The following LARGE1 variants were observed in gnomAD, a reference collection of about 807,000 sequenced individuals.
LARGE1 encodes xylosyl- and glucuronyltransferase LARGE1.
A neutral mutation model predicts 87.6 loss-of-function variants in LARGE1; 43 were observed. The observed-to-expected ratio is 0.49, with a 90% CI of 0.38 to 0.63. The LOEUF is 0.63. Among genes scored for constraint, LARGE1 ranks in the 30% least tolerant of loss-of-function variants. The pLI is 0.00. For missense variants in LARGE1, 802 were observed against 1,000.2 expected (o/e 0.80, Z 2.67); for synonymous variants, 434 against 394.6 (o/e 1.10, Z -1.18).
At chr22:33,268,924 C>A (rs1021572963), downstream of LARGE1, among the ~76,000 whole-genome samples, 2 of 152,134 alleles carry the variant, frequency 1.3e-5, no homozygotes, top group Non-Finnish European at 2.9e-5. Context: ...AATTTTGTCA[C>A]ATAATATGCT....
At chr22:33,503,753 C>T (rs1490707512) in intron 6 of LARGE1, among the ~76,000 whole-genome samples, 4 of 151,524 alleles carry the variant, frequency 2.6e-5, no homozygotes, top group African/African-American at 7.3e-5. Flanking sequence ...GAGCCAAGAT[C>T]GCATCACTGC....
At chr22:33,190,533 C>A (rs1923719874) in intron 11 of LARGE1, among the ~76,000 whole-genome samples, 1 of 152,148 alleles carries the variant, frequency 6.6e-6, no homozygotes, top group South Asian at 2.1e-4. Context: ...AGCTCAAATT[C>A]AAAACCAAAG....
intron 2 of LARGE1, among the ~76,000 whole-genome samples, chr22:33,678,504 T>C (rs376853425): frequency 1.3e-5 from 2 of 152,206 alleles, no homozygotes. Flanking sequence ...TACATAAAAG[T>C]GCACTAGGAA....
chr22:33,274,556 A>G lies in LARGE1; in HGVS notation c.2142T>C (p.Ile714=), dbSNP rs1358320451. ...ATTGCTTGTTGGAACGGAACTTGGT[A>G]ATGTCGAAGCTGGGGGCATGAGGCA... ...IHMPHAPSFD[I]TKFRSNKQYR... The change falls in exon 15 of 15, where the codon ATT becomes ATC. Residue 714 remains isoleucine (I), a synonymous_variant. Transcript: ENST00000397394. 5.0e-6 allele frequency: 8 copies of G among 1,614,128 alleles called. No individual in the cohort carries two copies. The highest frequency in any genetic ancestry group is 6.8e-6 in the Non-Finnish European group (8 of 1,180,018).
chr22:33,167,469 G>A (rs117041748), intron 11 of LARGE1, among the ~76,000 whole-genome samples: 3,363 of 152,268 alleles, frequency 0.022, 63 homozygotes, highest in Admixed American at 0.048. Flanking sequence ...GTATGGTTTG[G>A]AGGAGCAGTT....
chr22:33,195,711 T>G (rs1053638869), intron 11 of LARGE1, among the ~76,000 whole-genome samples: 5 of 151,630 alleles, frequency 3.3e-5, no homozygotes, highest in Non-Finnish European at 7.4e-5. Context: ...TACACTTCTA[T>G]TAAAAAAGAA....
the LARGE1 span, chr22:33,106,188 C>T: frequency 2.0e-5 from 3 of 152,220 alleles, no homozygotes; most frequent in Admixed American, 6.5e-5. Flanking sequence ...TCAGTCAGCA[C>T]CCACTGATTG....
chr22:33,334,579 T>C (rs575806296), intron 10 of LARGE1, among the ~76,000 whole-genome samples: 7 of 152,090 alleles, frequency 4.6e-5, no homozygotes, highest in Non-Finnish European at 8.8e-5. Flanking sequence ...CCAGTGGGAA[T>C]AGCAAGCACG....
chr22:33,110,172 C>T, the LARGE1 span, among the ~76,000 whole-genome samples: 4 of 152,152 alleles, frequency 2.6e-5, no homozygotes, highest in Non-Finnish European at 4.4e-5. Flanking sequence ...GTTAAATAAC[C>T]TGTTCAAGGC....
At chr22:33,341,680 G>C (rs1358253780) in intron 9 of LARGE1, among the ~76,000 whole-genome samples, 1 of 152,190 alleles carries the variant, frequency 6.6e-6, no homozygotes, top group Non-Finnish European at 1.5e-5. Context: ...GCCAGAGTAA[G>C]AACTATGAAC....
chr22:33,754,456 C>T lies in LARGE1; in HGVS notation c.106+6915G>A, dbSNP rs981407038. ...GTTCATGCCATTCACCTGCCCCAGC[C>T]TCCCAAGTAGCTGGGACTACAGGCG... On this transcript the variant is annotated intron_variant, in intron 2 of 14. Transcript: ENST00000397394. 2.0e-5 allele frequency among the ~76,000 whole-genome samples: 3 copies of T among 152,114 alleles called. No homozygotes were observed. In the East Asian group the frequency reaches 5.9e-4, roughly 30 times the overall value.
chr22:33,770,252 T>C (rs1262339958), intron 1 of LARGE1, among the ~76,000 whole-genome samples: 1 of 152,234 alleles, frequency 6.6e-6, no homozygotes, highest in Non-Finnish European at 1.5e-5. Context: ...CTCAGATCAT[T>C]TGTTTGAAGA....
the LARGE1 span, among the ~76,000 whole-genome samples, chr22:33,138,600 C>A: frequency 8.6e-5 from 13 of 152,044 alleles, no homozygotes; most frequent in Admixed American, 3.3e-4. Flanking sequence ...TGTGCCACCA[C>A]GCCTGGCTAT....
chr22:33,918,853 G>A (rs2267323), intron 1 of LARGE1, among the ~76,000 whole-genome samples: 16,576 of 151,778 alleles, frequency 0.11, 1,056 homozygotes, highest in South Asian at 0.3. Flanking sequence ...GGAGGCGGAC[G>A]CCCCCACCTG....
chr22:33,501,691 G>C (rs1430123191), intron 6 of LARGE1, among the ~76,000 whole-genome samples: 1 of 152,180 alleles, frequency 6.6e-6, no homozygotes, highest in East Asian at 1.9e-4. Context: ...TCCAGATGGG[G>C]CGGCAGGCGG....
the LARGE1 span, among the ~76,000 whole-genome samples, chr22:33,155,032 G>A: frequency 1.3e-5 from 2 of 152,258 alleles, no homozygotes; most frequent in South Asian, 4.1e-4. Context: ...ATGATTGTGA[G>A]GCCTCCCCAG....
chr22:33,883,125 G>A (rs1856672586), intron 1 of LARGE1, among the ~76,000 whole-genome samples: 1 of 152,128 alleles, frequency 6.6e-6, no homozygotes. Flanking sequence ...TTATCTTTAC[G>A]TTTCAGCCTC....
chr22:33,438,910 T>A (rs1003284382), intron 6 of LARGE1, among the ~76,000 whole-genome samples: 3 of 151,954 alleles, frequency 2.0e-5, no homozygotes, highest in African/African-American at 7.3e-5. Flanking sequence ...GATATTGAGA[T>A]CAGATTAAGA....
chr22:33,354,839 A>T (rs1257775248), intron 9 of LARGE1, among the ~76,000 whole-genome samples: 7 of 152,194 alleles, frequency 4.6e-5, no homozygotes, highest in African/African-American at 1.4e-4. Context: ...TAAAACTAAG[A>T]CTATGAAACA....
Sources: allele counts gnomAD v4.1 joint callset (sites outside exome capture counted in the v4.1 genomes callset), GRCh38; gene constraint gnomAD v4.1.1; transcripts MANE v1.5; gene names NCBI Gene and HGNC (gene_info 2026-07-23, HGNC 2026-07-21).